The following FREM1 variants were observed in gnomAD, a reference collection of about 807,000 sequenced individuals.
FREM1 encodes FRAS1 related extracellular matrix 1.
A neutral mutation model predicts 210.1 loss-of-function variants in FREM1; 220 were observed. The ratio of observed to expected loss-of-function variants is 1.05; its 90% confidence interval spans 0.94 to 1.17. FREM1 has a LOEUF of 1.17. Among genes scored for constraint, FREM1 ranks in the 50% most tolerant of loss-of-function variants. FREM1 has a pLI of 0.00. For synonymous variants in FREM1, 1,189 were observed against 980.2 expected (o/e 1.21, Z -3.98); for missense variants, 3,454 against 2,675.5 (o/e 1.29, Z -6.42).
At chr9:14,785,384 G>A (rs1850257854) in intron 23 of FREM1, among the ~76,000 whole-genome samples, 1 of 152,122 alleles carries the variant, frequency 6.6e-6, no homozygotes, top group Non-Finnish European at 1.5e-5. Context: ...ATTTTTTTCT[G>A]GAGAACGTAG....
At chr9:14,832,098 C>T (rs1168739273) in intron 10 of FREM1, among the ~76,000 whole-genome samples, 3 of 152,232 alleles carry the variant, frequency 2.0e-5, no homozygotes, top group Non-Finnish European at 4.4e-5. Context: ...ACTCCTTCGA[C>T]CTTGAAACTT....
intron 1 of FREM1, among the ~76,000 whole-genome samples, chr9:14,874,138 T>C (rs1213602135): frequency 2.0e-5 from 3 of 152,212 alleles, no homozygotes; most frequent in Non-Finnish European, 2.9e-5. Context: ...AAAAAATGTA[T>C]ATTCTGTTGA....
At chr9:14,870,750 C>T (rs1355853369) in intron 1 of FREM1, among the ~76,000 whole-genome samples, 1 of 151,196 alleles carries the variant, frequency 6.6e-6, no homozygotes, top group Non-Finnish European at 1.5e-5. Flanking sequence ...GTGTGCTGCA[C>T]CCATTAACTC....
intron 1 of FREM1, among the ~76,000 whole-genome samples, chr9:14,870,820 A>G (rs1264262603): frequency 2.6e-5 from 3 of 117,088 alleles, no homozygotes; most frequent in Non-Finnish European, 3.5e-5. Flanking sequence ...CGACCCCACA[A>G]CAGTCCCCAG....
chr9:14,739,849 T>C (rs1030172530), intron 36 of FREM1, among the ~76,000 whole-genome samples: 3 of 152,108 alleles, frequency 2.0e-5, no homozygotes, highest in African/African-American at 7.2e-5. Flanking sequence ...TTAACCATTC[T>C]TTAGTTATAG....
At position 14,868,842 on chromosome 9, in the gene FREM1, C is replaced by T. The variant is rs568205611; in HGVS notation, c.136G>A (p.Asp46Asn). ...KGHSAFLSGD[D>N]LKFAIPKEKD... Reference sequence around the variant, plus strand: ...TCTTTAGGGATGGCAAACTTCAGGTCATCTCCTGACAGGAAGGCAGAGTGG... The same window carrying T: ...TCTTTAGGGATGGCAAACTTCAGGTTATCTCCTGACAGGAAGGCAGAGTGG... Residue 46 changes from aspartate (D) to asparagine (N), a missense_variant, in exon 2 of 37, where the codon GAC (aspartate) becomes AAC (asparagine). By Grantham distance (23) the Asp-to-Asn change is conservative. Coordinates refer to ENST00000380880, the MANE Select transcript of FREM1 (RefSeq NM_001379081.2). 40 of 1,611,492 alleles carry T rather than the reference C, an allele frequency of 2.5e-5. No homozygotes were observed. In the South Asian group the frequency reaches 3.5e-4, roughly 14 times the overall value.
In FREM1 at chr9:14,816,801, C is replaced by T. The variant is rs764692735; in HGVS notation, c.2617G>A (p.Ala873Thr). ...ACCTCAACATGTAGTACAAATTCTG[C>T]TGAATTTGTGCCATCGGTGACCTCC... ...LLEVTDGTNS[A>T]EFVLHVEVFP... The change falls in exon 15 of 37, where the codon GCA (alanine) becomes ACA (threonine). Residue 873 changes from alanine (A) to threonine (T), a missense_variant. Coordinates refer to ENST00000380880, the MANE Select transcript of FREM1 (RefSeq NM_001379081.2). 2.1e-6 allele frequency: 3 copies of T among 1,431,312 alleles called. No homozygotes were observed. The highest frequency in any genetic ancestry group is 2.8e-6 in the Non-Finnish European group (3 of 1,064,826). The allele number at this position is 1,431,312 out of a possible 1,614,324, so 88.7% of individuals were successfully genotyped here.
intron 5 of FREM1, 36 bp from the exon 6 acceptor site, chr9:14,851,643 A>C: frequency 6.9e-7 from 1 of 1,449,500 alleles, no homozygotes; most frequent in Non-Finnish European, 9.7e-7. Flanking sequence ...AGGAGGAAAT[A>C]ATATGAATGA....
At chr9:14,772,472 A>T (rs1178540029) in intron 25 of FREM1, among the ~76,000 whole-genome samples, 1 of 152,216 alleles carries the variant, frequency 6.6e-6, no homozygotes, top group African/African-American at 2.4e-5. Flanking sequence ...TGCATAAAAA[A>T]TAGTATATAT....
At chr9:14,769,332 A>G (rs1238477472) in intron 27 of FREM1, among the ~76,000 whole-genome samples, 1 of 152,192 alleles carries the variant, frequency 6.6e-6, no homozygotes, top group Non-Finnish European at 1.5e-5. Flanking sequence ...CCCCGACTGC[A>G]GATATTTTAG....
chr9:14,876,888 C>A (rs1005417787), intron 1 of FREM1, among the ~76,000 whole-genome samples: 2 of 152,172 alleles, frequency 1.3e-5, no homozygotes, highest in African/African-American at 4.8e-5. Context: ...TCACATTTGG[C>A]ATCTAACGCA....
intron 20 of FREM1, 76 bp from the exon 21 acceptor site, chr9:14,797,718 A>C (rs1011116539): frequency 9.6e-6 from 12 of 1,253,480 alleles, no homozygotes; most frequent in Non-Finnish European, 1.3e-5. Flanking sequence ...ATAATGTCTT[A>C]ATTTTCAAGG....
At chr9:14,880,600 TCAA>T (rs1240191212) in intron 1 of FREM1, among the ~76,000 whole-genome samples, 10 of 93,820 alleles carry the variant, frequency 1.1e-4, no homozygotes, top group East Asian at 5.5e-4. Flanking sequence ...TGAGACTGTC[TCAA>T]AAAAAAAAAA....
intron 24 of FREM1, among the ~76,000 whole-genome samples, chr9:14,776,740 A>G (rs1490031517): frequency 6.6e-6 from 1 of 152,196 alleles, no homozygotes; most frequent in Non-Finnish European, 1.5e-5. Context: ...AGCAGATCAC[A>G]TTTCTCAGAC....
intron 10 of FREM1, among the ~76,000 whole-genome samples, chr9:14,834,162 G>A (rs1419970100): frequency 6.6e-6 from 1 of 152,154 alleles, no homozygotes; most frequent in Non-Finnish European, 1.5e-5. Flanking sequence ...ATAAATCAGA[G>A]AAGCACGCTC....
At chr9:14,900,228 C>T (rs73642435) in intron 1 of FREM1, among the ~76,000 whole-genome samples, 3,040 of 152,280 alleles carry the variant, frequency 0.02, 99 homozygotes, top group African/African-American at 0.067. Context: ...CCAGTCACCA[C>T]TCCCAGAGTT....
intron 3 of FREM1, among the ~76,000 whole-genome samples, chr9:14,861,322 C>CAT (rs113468786): frequency 0.046 from 4,910 of 106,202 alleles, 1,262 homozygotes; most frequent in African/African-American, 0.27. Flanking sequence ...CATATATACA[C>CAT]ATATATACAT....
intron 30 of FREM1, among the ~76,000 whole-genome samples, chr9:14,748,932 GA>G (rs1235516804): frequency 6.6e-6 from 1 of 152,134 alleles, no homozygotes; most frequent in African/African-American, 2.4e-5. Context: ...ATACTGGGGG[GA>G]AAGTCTCACT....
intron 1 of FREM1, among the ~76,000 whole-genome samples, chr9:14,871,191 A>G (rs189228523): frequency 0.01 from 1,566 of 152,294 alleles, 34 homozygotes; most frequent in African/African-American, 0.036. Flanking sequence ...GGCTGGGTCA[A>G]ATGGTATTTC....
Sources: allele counts gnomAD v4.1 joint callset (sites outside exome capture counted in the v4.1 genomes callset), GRCh38; gene constraint gnomAD v4.1.1; transcripts MANE v1.5; gene names NCBI Gene and HGNC (gene_info 2026-07-23, HGNC 2026-07-21).